The following ZNF440 variants were observed in gnomAD, a reference collection of about 807,000 sequenced individuals.
ZNF440 encodes zinc finger protein 440.
In ZNF440, 47 loss-of-function variants were observed where a neutral mutation model predicts 49.7. The observed-to-expected ratio is 0.95, with a 90% CI of 0.75 to 1.21. The LOEUF (loss-of-function observed/expected upper bound fraction) is 1.21. Among genes scored for constraint, ZNF440 ranks in the 50% most tolerant of loss-of-function variants. The probability of loss-of-function intolerance (pLI) is 0.00; values close to 1 mark genes in which losing one functional copy is unlikely to be tolerated. For missense variants in ZNF440, 703 were observed against 715.0 expected (o/e 0.98, Z 0.19); for synonymous variants, 255 against 237.7 (o/e 1.07, Z -0.67).
intron 1 of ZNF440, among the ~76,000 whole-genome samples, chr19:11,827,292 G>T (rs1290418150): frequency 2.0e-5 from 3 of 151,938 alleles, no homozygotes; most frequent in African/African-American, 7.3e-5. Flanking sequence ...TCAAACTCCT[G>T]ACCTCGGTGA....
At chr19:11,830,228 G>A in intron 1 of ZNF440, 55 bp from the exon 2 acceptor site, 1 of 1,609,150 alleles carries the variant, frequency 6.2e-7, no homozygotes, top group Non-Finnish European at 8.5e-7. Flanking sequence ...TAGAGTCTAG[G>A]CCCCCAGTGC....
chr19:11,819,479 G>A (rs1286167978), intron 1 of ZNF440, among the ~76,000 whole-genome samples: 2 of 152,142 alleles, frequency 1.3e-5, no homozygotes, highest in African/African-American at 4.8e-5. Flanking sequence ...GCCCACCGCA[G>A]CCTCTGCCTC....
intron 1 of ZNF440, among the ~76,000 whole-genome samples, chr19:11,827,181 A>G (rs956237707): frequency 2.0e-5 from 3 of 150,964 alleles, no homozygotes; most frequent in African/African-American, 7.3e-5. Context: ...CTCCTGCCTC[A>G]GCCTCCTGAG....
In ZNF440 at chr19:11,832,213, G is replaced by A; in HGVS notation, c.1037G>A (p.Gly346Glu). ...GERPYECKICGKDFCSVNSFQ... is the reference protein window; with the variant it reads ...GERPYECKICEKDFCSVNSFQ... ...AGACCTTATGAATGTAAGATATGTGGAAAAGACTTTTGTTCTGTGAATTCA... is the reference window on the plus strand; with the variant it reads ...AGACCTTATGAATGTAAGATATGTGAAAAAGACTTTTGTTCTGTGAATTCA... Residue 346 changes from glycine to glutamate, a missense_variant, in exon 4 of 4, where the codon GGA becomes GAA. Physicochemically the swap from Gly to Glu is moderately conservative, Grantham distance 98 (BLOSUM62 -2). Transcript: ENST00000304060. 6.2e-7 allele frequency: 1 copy of A among 1,614,104 alleles called. No homozygotes were observed. Among genetic ancestry groups the A allele is most frequent in the Non-Finnish European group, 8.5e-7 (1 of 1,180,010 alleles).
At chr19:11,814,780 G>T (rs1381970771) in intron 1 of ZNF440, among the ~76,000 whole-genome samples, 1 of 152,220 alleles carries the variant, frequency 6.6e-6, no homozygotes, top group Non-Finnish European at 1.5e-5. Flanking sequence ...AAGAAAACCA[G>T]CATCTAGGCA....
At chr19:11,815,325 C>CACACACAA (rs1312652792) in intron 1 of ZNF440, among the ~76,000 whole-genome samples, 5 of 148,258 alleles carry the variant, frequency 3.4e-5, no homozygotes, top group Non-Finnish European at 7.4e-5. Flanking sequence ...CACACACACA[C>CACACACAA]AAATTAAATA....
chr19:11,830,548 G>A (rs2545810), intron 2 of ZNF440, 69 bp from the exon 3 acceptor site: 580,579 of 1,594,736 alleles, frequency 0.36, 108,855 homozygotes, highest in African/African-American at 0.51. Context: ...AATCATGGGC[G>A]TAGAATCTAA....
chr19:11,828,549 T>G (rs1975894057), intron 1 of ZNF440, among the ~76,000 whole-genome samples: 1 of 152,156 alleles, frequency 6.6e-6, no homozygotes, highest in Non-Finnish European at 1.5e-5. Flanking sequence ...GCTTAAGAAA[T>G]TTTACATGTA....
In ZNF440 at chr19:11,831,416, T is replaced by C; in HGVS notation, c.240T>C (p.Cys80=). The change falls in exon 4 of 4, where the codon TGT becomes TGC. Residue 80 remains cysteine, a synonymous_variant. Coordinates refer to ENST00000304060, the MANE Select transcript of ZNF440 (RefSeq NM_152357.3). ...KVNEIKDDSH[C]GETFTPVPDD... is the part of the protein sequence containing the mutation. ...ATGAAATTAAAGATGACAGTCATTG[T>C]GGAGAAACTTTTACCCCAGTTCCAG... The C allele has an allele frequency of 6.2e-7, 1 of 1,612,448 alleles. No homozygotes were observed. The highest frequency in any genetic ancestry group is 8.5e-7 in the Non-Finnish European group (1 of 1,179,576).
rs777294336 is a variant in ZNF440 at position 11,831,710 on chromosome 19, A to G, written c.534A>G (p.Gly178=). 7.4e-5 allele frequency: 119 copies of G among 1,613,840 alleles called. No individual in the cohort carries two copies. Among genetic ancestry groups the G allele is most frequent in the Non-Finnish European group, 9.7e-5 (114 of 1,179,944 alleles). ...GEKPNACKVC[G]KTFISHSSVR... ...AACCCAATGCTTGTAAAGTATGTGG[A>G]AAAACCTTTATTTCCCATTCAAGTG... Residue 178 remains glycine, a synonymous_variant, in exon 4 of 4, where the codon GGA becomes GGG. Coordinates refer to ENST00000304060, the MANE Select transcript of ZNF440 (RefSeq NM_152357.3).
chr19:11,814,302 C>T lies in ZNF440; in HGVS notation c.-146C>T. The T allele has an allele frequency of 3.6e-6, 3 of 836,038 alleles. No individual in the cohort carries two copies. Among genetic ancestry groups the T allele is most frequent in the Non-Finnish European group, 5.1e-6 (3 of 586,264 alleles). 51.8% of individuals were successfully genotyped at this position (836,038 alleles called of 1,614,324 possible). ...TCCGTCCATTCCTTTAGTGCTGCGC[C>T]GACAGCGGTCAGGATCTCGGCTTTC... is the stretch of plus-strand genomic sequence containing the variant. On this transcript the variant is annotated 5_prime_UTR_variant, in exon 1 of 4. Transcript: ENST00000304060.
At chr19:11,828,836 C>T (rs1195888402) in intron 1 of ZNF440, among the ~76,000 whole-genome samples, 1 of 152,000 alleles carries the variant, frequency 6.6e-6, no homozygotes, top group African/African-American at 2.4e-5. Context: ...AGGAAAGCGC[C>T]ATTACACCCG....
At chr19:11,815,284 TCACACACA>T (rs3223082) in intron 1 of ZNF440, among the ~76,000 whole-genome samples, 45 of 121,128 alleles carry the variant, frequency 3.7e-4, no homozygotes, top group East Asian at 1.2e-3. Context: ...GGCAACTCCG[TCACACACA>T]CACACACACA....
At position 11,833,235 on chromosome 19, in the gene ZNF440, C is replaced by A; in HGVS notation, c.*271C>A. ...AAAAGGACACACACTGGAGAGAAAC[C>A]CTGTGAATGTAAGAAATGTAGAAAA... On this transcript the variant is annotated 3_prime_UTR_variant, in exon 4 of 4. Transcript: ENST00000304060. The A allele has an allele frequency of 2.2e-6, 2 of 903,096 alleles. No individual in the cohort carries two copies. The highest frequency in any genetic ancestry group is 1.6e-5 in the South Asian group (1 of 62,508). 55.9% of individuals were successfully genotyped at this position (903,096 alleles called of 1,614,324 possible). A position where few individuals can be genotyped will look rare whatever the true frequency, so the allele number is the denominator to read the frequency against.
chr19:11,828,972 C>A (rs1975900428), intron 1 of ZNF440, among the ~76,000 whole-genome samples: 1 of 152,194 alleles, frequency 6.6e-6, no homozygotes, highest in Non-Finnish European at 1.5e-5. Flanking sequence ...GCATGAGCCA[C>A]CACGCCTGGC....
intron 1 of ZNF440, among the ~76,000 whole-genome samples, chr19:11,828,483 C>A (rs555971893): frequency 5.9e-5 from 9 of 152,236 alleles, no homozygotes; most frequent in Non-Finnish European, 1.2e-4. Flanking sequence ...CCATGCCTGG[C>A]TGCTACCATG....
chr19:11,827,895 G>A (rs927090023), intron 1 of ZNF440, among the ~76,000 whole-genome samples: 14 of 151,842 alleles, frequency 9.2e-5, no homozygotes, highest in Admixed American at 1.3e-4. Context: ...TTTAATACAC[G>A]TCTTTATAGT....
In ZNF440 at chr19:11,833,248, GAAA is replaced by G; in HGVS notation, c.*285_*287del. On this transcript the variant is annotated 3_prime_UTR_variant, in exon 4 of 4. Coordinates refer to ENST00000304060, the MANE Select transcript of ZNF440 (RefSeq NM_152357.3). ...CTGGAGAGAAACCCTGTGAATGTAAGAAATGTAGAAAAGCATTCCATAATTTCT... is the reference window on the plus strand; with the variant it reads ...CTGGAGAGAAACCCTGTGAATGTAAGTGTAGAAAAGCATTCCATAATTTCT... 1.2e-6 allele frequency: 1 copy of G among 825,126 alleles called. No individual in the cohort carries two copies. The highest frequency in any genetic ancestry group is 1.9e-6 in the Non-Finnish European group (1 of 530,494). The allele number at this position is 825,126 out of a possible 1,614,324, so 51.1% of individuals were successfully genotyped here.
intron 1 of ZNF440, among the ~76,000 whole-genome samples, chr19:11,814,710 G>T (rs1292727750): frequency 2.0e-5 from 3 of 152,238 alleles, no homozygotes; most frequent in African/African-American, 7.2e-5. Context: ...CCACGGGAGG[G>T]ATATGGGGGG....
Sources: gnomAD v4.1 joint callset for allele counts (sites outside exome capture counted in the v4.1 genomes callset) on GRCh38, gnomAD v4.1.1 for gene constraint, MANE v1.5 for transcripts, NCBI Gene and HGNC (gene_info 2026-07-23, HGNC 2026-07-21) for gene names.